The following ESR1 variants were observed in gnomAD, a reference collection of about 807,000 sequenced individuals.
The protein encoded by ESR1 is estrogen receptor.
ESR1 carries 12 observed loss-of-function variants against 52.7 expected under a neutral mutation model. That is an observed-to-expected ratio of 0.23 (90% CI 0.15 to 0.37). The LOEUF is 0.37. ESR1 is among the 10% of genes least tolerant of loss of function. ESR1 has a pLI of 1.00. For synonymous variants in ESR1, 305 were observed against 316.8 expected, an observed-to-expected ratio of 0.96 and a Z score of 0.39; for missense variants, 584 against 779.7, an observed-to-expected ratio of 0.75 and a Z score of 2.99.
Position 151,746,181 on chromosome 6 carries a change from G to C in ESR1, c.-71+44176G>C, listed in dbSNP as rs78849872. Reference sequence around the variant, plus strand: ...ATAATGCTGCTGTGAACACAGGTGTGCAAATCTCTTTGAGGACTCTGCTTT... The same window carrying C: ...ATAATGCTGCTGTGAACACAGGTGTCCAAATCTCTTTGAGGACTCTGCTTT... On this transcript the variant is annotated intron_variant, in intron 2 of 2. Coordinates refer to the ESR1 transcript ENST00000404742. Among the ~76,000 whole-genome samples, 721 of 152,282 alleles carry C rather than the reference G, an allele frequency of 4.7e-3. 7 individuals carry two copies. The highest frequency in any genetic ancestry group is 0.017 in the African/African-American group (689 of 41,548).
intron 2 of ESR1, among the ~76,000 whole-genome samples, chr6:151,790,073 C>G (rs1005186064): frequency 1.3e-5 from 2 of 152,162 alleles, no homozygotes; most frequent in Middle Eastern, 3.2e-3. Context: ...GTGGATCCCT[C>G]CATGCAGGTG....
intron 4 of ESR1, among the ~76,000 whole-genome samples, chr6:151,981,522 T>G (rs2039991009): frequency 6.6e-6 from 1 of 152,220 alleles, no homozygotes; most frequent in South Asian, 2.1e-4. Flanking sequence ...CTATATTATT[T>G]TTCTTCTGAT....
intron 2 of ESR1, among the ~76,000 whole-genome samples, chr6:151,853,852 A>G (rs1359427287): frequency 6.6e-6 from 1 of 152,242 alleles, no homozygotes; most frequent in Admixed American, 6.5e-5. Context: ...GTTTGTGCCC[A>G]CATATGGTTG....
intron 1 of ESR1, among the ~76,000 whole-genome samples, chr6:151,839,125 A>T (rs1783867196): frequency 2.0e-5 from 3 of 152,188 alleles, no homozygotes; most frequent in South Asian, 2.1e-4. Context: ...AACTTTGCAG[A>T]TAGTAATGGA....
At chr6:151,844,513 A>G (rs1290315933) in intron 2 of ESR1, among the ~76,000 whole-genome samples, 2 of 152,178 alleles carry the variant, frequency 1.3e-5, no homozygotes, top group Non-Finnish European at 2.9e-5. Flanking sequence ...AGATAATAAT[A>G]TTTTAGGCTT....
At chr6:152,022,746 C>A (rs997322720) in intron 5 of ESR1, among the ~76,000 whole-genome samples, 26 of 152,018 alleles carry the variant, frequency 1.7e-4, no homozygotes, top group African/African-American at 6.0e-4. Context: ...CCGAGGCTGG[C>A]AGATCACCTG....
rs776382505 is a variant in ESR1 at position 152,094,335 on chromosome 6, A to G, written c.1370-50A>G. 2.7e-6 allele frequency: 4 copies of G among 1,493,480 alleles called. No homozygotes were observed. Among genetic ancestry groups the G allele is most frequent in the African/African-American group, 1.4e-5 (1 of 72,406 alleles). 92.5% of individuals were successfully genotyped at this position (1,493,480 alleles called of 1,614,324 possible). ...CCCATGAACACTCTGGGTCTCCTAG[A>G]CCTCATCCTCTTTGAGCTTCTCTCT... On this transcript the variant is annotated intron_variant, in intron 6 of 7. Coordinates refer to ENST00000206249, the MANE Select transcript of ESR1 (RefSeq NM_000125.4). This position sits in a 1 kb window ranked among gnomAD's most constrained non-coding sequence, Gnocchi z 4.6.
At chr6:151,991,259 T>C (rs1360424299) in intron 4 of ESR1, among the ~76,000 whole-genome samples, 1 of 152,220 alleles carries the variant, frequency 6.6e-6, no homozygotes, top group Non-Finnish European at 1.5e-5. Flanking sequence ...AGCCTCATGT[T>C]CCTGAACTTC....
At chr6:151,810,453 A>G (rs1490206445) in intron 1 of ESR1, among the ~76,000 whole-genome samples, 2 of 152,170 alleles carry the variant, frequency 1.3e-5, no homozygotes, top group African/African-American at 4.8e-5. Flanking sequence ...GACAGATATT[A>G]TTTAGTATTT....
chr6:151,941,730 C>T (rs910304622), intron 3 of ESR1, among the ~76,000 whole-genome samples: 6 of 152,256 alleles, frequency 3.9e-5, no homozygotes, highest in Non-Finnish European at 7.4e-5. Context: ...TACCCCTCAT[C>T]GTCTCCTATG....
chr6:152,121,346 T>C (rs540519506), intron 6 of ESR1, among the ~76,000 whole-genome samples: 4 of 152,344 alleles, frequency 2.6e-5, no homozygotes, highest in African/African-American at 9.6e-5. Flanking sequence ...CTGTGGCTGT[T>C]GTCTGCTCGC....
chr6:151,663,635 G>A (rs902083310), intron 1 of ESR1, among the ~76,000 whole-genome samples: 8 of 152,056 alleles, frequency 5.3e-5, no homozygotes, highest in African/African-American at 1.9e-4. Context: ...CTTTCACTGT[G>A]TCCCCAGAAC....
chr6:151,683,960 C>T (rs960928598), intron 1 of ESR1, among the ~76,000 whole-genome samples: 2 of 151,424 alleles, frequency 1.3e-5, no homozygotes, highest in African/African-American at 4.9e-5. Flanking sequence ...CATCAGCCCA[C>T]CCCTGCCTCA....
In ESR1 at chr6:151,945,791, C is replaced by A. The variant is rs538697324; in HGVS notation, c.1096+1283C>A. 2.6e-5 allele frequency among the ~76,000 whole-genome samples: 4 copies of A among 152,300 alleles called. No homozygotes were observed. In the East Asian group the frequency reaches 7.7e-4, roughly 29 times the overall value. ...ACTGCTCTGTTATAGGCCAAGTGAA[C>A]TTATGTCTGGCCTTAGAGAATCTTA... On this transcript the variant is annotated intron_variant, in intron 4 of 7. Transcript: ENST00000206249.
chr6:151,834,508 T>G (rs1027853610), intron 1 of ESR1, among the ~76,000 whole-genome samples: 3 of 152,012 alleles, frequency 2.0e-5, no homozygotes, highest in African/African-American at 7.3e-5. Context: ...TGAGAACACA[T>G]GGACACAGGG....
At chr6:151,824,425 C>G (rs562832818) in intron 1 of ESR1, among the ~76,000 whole-genome samples, 2 of 152,256 alleles carry the variant, frequency 1.3e-5, no homozygotes, top group East Asian at 3.9e-4. Context: ...TGTAGGTTGC[C>G]TGTTCACTCT....
rs138651395 is a variant in ESR1, at chr6:152,043,562, T to C, written c.1236-17429T>C. On this transcript the variant is annotated intron_variant, in intron 5 of 7. Coordinates refer to ENST00000206249, the MANE Select transcript of ESR1 (RefSeq NM_000125.4). Reference sequence around the variant, plus strand: ...AGCAAACAGGGGTATTGAGGGTGGGTCCTTAGGAGAATCAACATCGTCTTT... The same window carrying C: ...AGCAAACAGGGGTATTGAGGGTGGGCCCTTAGGAGAATCAACATCGTCTTT... Among the ~76,000 whole-genome samples, 118 of 152,212 alleles carry C rather than the reference T, an allele frequency of 7.8e-4. 1 individual carries two copies. Among genetic ancestry groups the C allele is most frequent in the African/African-American group, 2.7e-3 (114 of 41,538 alleles).
chr6:151,968,808 C>T (rs73781043), intron 4 of ESR1, among the ~76,000 whole-genome samples: 1 of 152,162 alleles, frequency 6.6e-6, no homozygotes, highest in African/African-American at 2.4e-5. Context: ...CTGGTGGGAG[C>T]AACTTGGGCC....
chr6:151,774,086 C>G (rs1273168648), intron 2 of ESR1, among the ~76,000 whole-genome samples: 1 of 152,166 alleles, frequency 6.6e-6, no homozygotes, highest in Non-Finnish European at 1.5e-5. Flanking sequence ...TTGTATGGCA[C>G]ATTGTCATTA....
Sources: gnomAD v4.1 joint callset for allele counts (sites outside exome capture counted in the v4.1 genomes callset) on GRCh38, gnomAD v4.1.1 for gene constraint, Gnocchi (gnomAD v3.1) non-coding constraint, MANE v1.5 for transcripts, NCBI Gene and HGNC (gene_info 2026-07-23, HGNC 2026-07-21) for gene names.